PBX1: variants seen among roughly 807,000 people sequenced by gnomAD.
PBX1 encodes the protein PBX homeobox 1, also known as pre-B-cell leukemia transcription factor 1.
Under a neutral mutation model 53.4 loss-of-function variants are expected in PBX1, and 6 were observed. That is an observed-to-expected ratio of 0.11 (90% CI 0.06 to 0.22). PBX1 has a LOEUF of 0.22. Ranked by LOEUF, PBX1 falls within the 10% of genes least tolerant of loss-of-function variation. The pLI is 1.00. For synonymous variants in PBX1, 204 were observed against 212.3 expected (o/e 0.96, Z 0.34); for missense variants, 251 against 551.4 (o/e 0.46, Z 5.46).
chr1:164,854,131 C>T (rs1326562013), downstream of PBX1: 1 of 151,904 alleles, frequency 6.6e-6, no homozygotes, highest in East Asian at 1.9e-4. Flanking sequence ...GTCTCGAACT[C>T]CTGGCCTCAA....
At chr1:164,774,300 A>G (rs1667540686) in intron 2 of PBX1, 2 of 152,216 alleles carry the variant, frequency 1.3e-5, no homozygotes, top group Non-Finnish European at 1.5e-5. Context: ...TTTTGTAGGC[A>G]TATCATTAAA....
At chr1:164,575,454 A>ATTTACCT (rs1654154775) in intron 2 of PBX1, among the ~76,000 whole-genome samples, 1 of 152,214 alleles carries the variant, frequency 6.6e-6, no homozygotes, top group Admixed American at 6.5e-5. Flanking sequence ...AGAGGAATAC[A>ATTTACCT]TTTACCTAGT....
intron 2 of PBX1, among the ~76,000 whole-genome samples, chr1:164,884,016 G>A (rs1264340549): frequency 2.0e-5 from 3 of 152,076 alleles, no homozygotes; most frequent in Non-Finnish European, 4.4e-5. Context: ...AAAACCATTG[G>A]TCAAATTACG....
At chr1:164,633,275 G>A (rs542880268) in intron 2 of PBX1, among the ~76,000 whole-genome samples, 8 of 151,678 alleles carry the variant, frequency 5.3e-5, no homozygotes, top group African/African-American at 1.5e-4. Flanking sequence ...TCAGCCTCCC[G>A]AGTAGCTGGG....
intron 2 of PBX1, among the ~76,000 whole-genome samples, chr1:164,881,963 A>G (rs936651575): frequency 5.9e-5 from 9 of 152,120 alleles, no homozygotes; most frequent in Non-Finnish European, 8.8e-5. Flanking sequence ...CCCCTCACCA[A>G]GCTGTCCTGG....
intron 2 of PBX1, among the ~76,000 whole-genome samples, chr1:164,647,046 C>T (rs975365969): frequency 1.6e-4 from 24 of 152,242 alleles, no homozygotes; most frequent in African/African-American, 5.5e-4. Context: ...CCCACCCCAA[C>T]TTCAACCCCT....
At chr1:164,884,413 A>G (rs1019291303) in intron 2 of PBX1, 5 of 291,982 alleles carry the variant, frequency 1.7e-5, no homozygotes, top group Admixed American at 4.2e-5. Flanking sequence ...AGATCTTGCC[A>G]GAGGGTGGGC....
chr1:164,725,062 TC>T, intron 2 of PBX1, among the ~76,000 whole-genome samples: 1 of 152,008 alleles, frequency 6.6e-6, no homozygotes, highest in South Asian at 2.1e-4. Context: ...CATTAGAAAA[TC>T]CTTGTCATGT....
chr1:164,849,388 A>G lies in PBX1; in HGVS notation c.*2712A>G, dbSNP rs557014623. 5.9e-6 allele frequency: 9 copies of G among 1,535,604 alleles called. No individual in the cohort carries two copies. In the African/African-American group the frequency reaches 6.8e-5, roughly 12 times the overall value. On this transcript the variant is annotated 3_prime_UTR_variant, in exon 9 of 9. Coordinates refer to ENST00000420696, the MANE Select transcript of PBX1 (RefSeq NM_002585.4). The stretch of plus-strand genomic sequence containing the variant: ...AGCCCACTATCACTTCCGACTTCCA[A>G]CGTGGCATCCGTGAGATCTGTCCAC...
At chr1:164,594,902 C>G (rs1363365543) in intron 2 of PBX1, among the ~76,000 whole-genome samples, 1 of 152,152 alleles carries the variant, frequency 6.6e-6, no homozygotes, top group Non-Finnish European at 1.5e-5. Context: ...GACACTGAGG[C>G]CCAGAACTGT....
intron 2 of PBX1, among the ~76,000 whole-genome samples, chr1:164,660,771 T>A (rs77303472): frequency 0.035 from 5,275 of 152,262 alleles, 127 homozygotes; most frequent in East Asian, 0.089. Context: ...TGATTTTTTT[T>A]AAAGTATATT....
intron 2 of PBX1, among the ~76,000 whole-genome samples, chr1:164,679,464 G>A (rs117347118): frequency 6.6e-6 from 1 of 152,120 alleles, no homozygotes; most frequent in Admixed American, 6.5e-5. Context: ...AGGCTCCTTT[G>A]AAAACAGGTG....
At chr1:164,639,120 G>T (rs1658965629) in intron 2 of PBX1, among the ~76,000 whole-genome samples, 1 of 152,204 alleles carries the variant, frequency 6.6e-6, no homozygotes, top group Non-Finnish European at 1.5e-5. Flanking sequence ...GTCTGTAAGG[G>T]ATAGCAATAT....
intron 2 of PBX1, among the ~76,000 whole-genome samples, chr1:164,859,581 C>G (rs575812255): frequency 3.3e-5 from 5 of 152,290 alleles, no homozygotes; most frequent in East Asian, 3.9e-4. Flanking sequence ...GCCAATACCC[C>G]CTCTATGCAA....
chr1:164,636,156 C>T (rs1571118730), intron 2 of PBX1, among the ~76,000 whole-genome samples: 1 of 148,600 alleles, frequency 6.7e-6, no homozygotes, highest in South Asian at 2.1e-4. Context: ...CTCTCTCTCT[C>T]TTTTTTTTTT....
intron 2 of PBX1, among the ~76,000 whole-genome samples, chr1:164,591,450 C>T (rs978359056): frequency 1.3e-5 from 2 of 152,052 alleles, no homozygotes; most frequent in African/African-American, 4.8e-5. Context: ...ACCTTTTCAC[C>T]CATGAAAAAA....
chr1:164,586,426 T>C (rs1176253955), intron 2 of PBX1, among the ~76,000 whole-genome samples: 1 of 152,118 alleles, frequency 6.6e-6, no homozygotes, highest in Non-Finnish European at 1.5e-5. Flanking sequence ...TCTGAGCCCA[T>C]GTGGAGCAGC....
At chr1:164,781,236 C>T (rs1667919166) in intron 2 of PBX1, among the ~76,000 whole-genome samples, 1 of 152,092 alleles carries the variant, frequency 6.6e-6, no homozygotes, top group Non-Finnish European at 1.5e-5. Context: ...TGAAATGGAC[C>T]TGGGGCACCC....
At chr1:164,793,475 C>T (rs1248003650) in intron 3 of PBX1, among the ~76,000 whole-genome samples, 1 of 152,064 alleles carries the variant, frequency 6.6e-6, no homozygotes, top group Non-Finnish European at 1.5e-5. Context: ...GATTTGGAGT[C>T]ACGGATGTGA....
Sources: allele counts gnomAD v4.1 joint callset (sites outside exome capture counted in the v4.1 genomes callset), GRCh38; gene constraint gnomAD v4.1.1; transcripts MANE v1.5; gene names NCBI Gene and HGNC (gene_info 2026-07-23, HGNC 2026-07-21).